ZNF254: variants seen among roughly 807,000 people sequenced by gnomAD.
ZNF254 encodes zinc finger protein 254, also known as CTD-2017D11.1.
ZNF254 carries 10 observed loss-of-function variants against 12.4 expected under a neutral mutation model. The observed-to-expected ratio is 0.80, with a 90% confidence interval of 0.50 to 1.36. The LOEUF is 1.36. ZNF254 is among the 40% of genes most tolerant of loss of function. The probability of loss-of-function intolerance (pLI) is 0.00; values close to 1 mark genes in which losing one functional copy is unlikely to be tolerated. For missense variants in ZNF254, 996 were observed against 763.9 expected, an observed-to-expected ratio of 1.30 and a Z score of -3.58; for synonymous variants, 305 against 253.4, an observed-to-expected ratio of 1.20 and a Z score of -1.93.
upstream of ZNF254, among the ~76,000 whole-genome samples, chr19:24,083,840 A>AT (rs1349014198): frequency 6.6e-6 from 1 of 152,160 alleles, no homozygotes; most frequent in Non-Finnish European, 1.5e-5. Context: ...AAAATAATGC[A>AT]TGTTCGCATG....
intron 1 of ZNF254, among the ~76,000 whole-genome samples, chr19:24,037,502 C>T (rs771045191): frequency 2.6e-5 from 4 of 152,196 alleles, no homozygotes; most frequent in African/African-American, 7.2e-5. Context: ...GGCACAATCT[C>T]GGCTTACTGC....
intron 2 of ZNF254, among the ~76,000 whole-genome samples, chr19:24,046,431 TTCTA>T (rs1970394939): frequency 6.8e-6 from 1 of 146,570 alleles, no homozygotes; most frequent in South Asian, 2.2e-4. Flanking sequence ...CAACAATTGA[TTCTA>T]TCAGATAATC....
chr19:24,126,246 T>G lies in ZNF254; in HGVS notation c.254-8T>G. On this transcript the variant is annotated splice_region_variant and splice_polypyrimidine_tract_variant and intron_variant, in intron 3 of 3. Coordinates refer to ENST00000357002, the MANE Select transcript of ZNF254 (RefSeq NM_203282.4). ...GGAGTAATTTATTTATTTTTATTTTTTTTTCAGGTATGTGTCCTCATTTTG... is the reference window on the plus strand; with the variant it reads ...GGAGTAATTTATTTATTTTTATTTTGTTTTCAGGTATGTGTCCTCATTTTG... 1 of 1,415,828 alleles carries G rather than the reference T, an allele frequency of 7.1e-7. No individual in the cohort carries two copies. The highest frequency in any genetic ancestry group is 1.9e-4 in the Middle Eastern group (1 of 5,298). 87.7% of individuals were successfully genotyped at this position (1,415,828 alleles called of 1,614,324 possible). A position where few individuals can be genotyped will look rare whatever the true frequency, so the allele number is the denominator to read the frequency against.
intron 1 of ZNF254, among the ~76,000 whole-genome samples, chr19:24,093,432 A>G (rs1972508109): frequency 6.6e-6 from 1 of 152,138 alleles, no homozygotes; most frequent in Admixed American, 6.5e-5. Context: ...GTTAAAATAA[A>G]CATTTCAGTC....
At chr19:24,062,442 T>C (rs1599621988) in intron 2 of ZNF254, among the ~76,000 whole-genome samples, 1 of 152,286 alleles carries the variant, frequency 6.6e-6, no homozygotes, top group South Asian at 2.1e-4. Context: ...GTGAGGACTC[T>C]CCTCTCTGGA....
chr19:24,060,148 T>G (rs901270287), intron 2 of ZNF254, among the ~76,000 whole-genome samples: 2 of 152,254 alleles, frequency 1.3e-5, no homozygotes, highest in African/African-American at 4.8e-5. Context: ...TGAAGCTGGT[T>G]TCAATACCCA....
At chr19:24,079,692 A>G (rs1568442595) in intron 2 of ZNF254, 2 of 152,316 alleles carry the variant, frequency 1.3e-5, no homozygotes, top group African/African-American at 4.8e-5. Context: ...AAGAAAAACA[A>G]TGCATTTTGG....
rs571497447 is a variant in ZNF254 at position 24,036,845 on chromosome 19, A to G, written c.-190+3224A>G. 2.4e-4 allele frequency among the ~76,000 whole-genome samples: 37 copies of G among 152,342 alleles called. 1 individual carries two copies. In the South Asian group the frequency reaches 7.7e-3, roughly 32 times the overall value. The stretch of plus-strand genomic sequence containing the variant: ...CTGCTACCACCAATGATTTCCGCCT[A>G]CTAATGAACATACCCACTAGGAATG... On this transcript the variant is annotated intron_variant, in intron 1 of 4. Coordinates refer to the ZNF254 transcript ENST00000613065.
intron 3 of ZNF254, among the ~76,000 whole-genome samples, chr19:24,113,604 A>C (rs1313005068): frequency 1.3e-5 from 2 of 152,196 alleles, no homozygotes; most frequent in Non-Finnish European, 2.9e-5. Context: ...AACTGGAAGC[A>C]TTCCCTTTGA....
At chr19:24,042,279 G>A (rs748332403) in intron 1 of ZNF254, among the ~76,000 whole-genome samples, 4 of 152,090 alleles carry the variant, frequency 2.6e-5, no homozygotes, top group Non-Finnish European at 1.5e-5. Flanking sequence ...GATTGTAAAC[G>A]CACCAATCAG....
chr19:24,077,527 T>C (rs1211376146), intron 2 of ZNF254, among the ~76,000 whole-genome samples: 2 of 152,198 alleles, frequency 1.3e-5, no homozygotes, highest in African/African-American at 4.8e-5. Flanking sequence ...GATGGACAGG[T>C]GTGTACCTGA....
At chr19:24,058,384 G>A (rs1225684508) in intron 2 of ZNF254, among the ~76,000 whole-genome samples, 1 of 150,256 alleles carries the variant, frequency 6.7e-6, no homozygotes, top group Admixed American at 6.7e-5. Flanking sequence ...CAGGTGATGG[G>A]AGTTTTCTTT....
At chr19:24,077,539 A>C (rs1048139398) in intron 2 of ZNF254, among the ~76,000 whole-genome samples, 2 of 152,226 alleles carry the variant, frequency 1.3e-5, no homozygotes, top group African/African-American at 4.8e-5. Flanking sequence ...TGTACCTGAG[A>C]ATGCAGCACT....
At chr19:24,080,258 G>A (rs1971801013) in intron 2 of ZNF254, 3 of 152,240 alleles carry the variant, frequency 2.0e-5, no homozygotes, top group Admixed American at 2.0e-4. Context: ...TGGGTCTTGG[G>A]TTGAACAAGG....
At chr19:24,043,358 T>C (rs1253450873) in intron 1 of ZNF254, among the ~76,000 whole-genome samples, 3 of 151,912 alleles carry the variant, frequency 2.0e-5, no homozygotes, top group African/African-American at 7.3e-5. Context: ...ACCTCCTGGG[T>C]TCAAGCAATT....
intron 2 of ZNF254, among the ~76,000 whole-genome samples, chr19:24,074,298 ACTCTT>A (rs774674656): frequency 6.6e-6 from 1 of 151,892 alleles, no homozygotes; most frequent in African/African-American, 2.4e-5. Context: ...AGCTGAAGTG[ACTCTT>A]CTCTTCTAAG....
intron 1 of ZNF254, among the ~76,000 whole-genome samples, chr19:24,043,579 G>T (rs1006304673): frequency 1.3e-5 from 2 of 152,058 alleles, no homozygotes; most frequent in African/African-American, 4.8e-5. Context: ...AAAATTTTAA[G>T]AAACACCCGA....
chr19:24,054,824 G>C (rs1478826498), intron 2 of ZNF254, among the ~76,000 whole-genome samples: 1 of 152,148 alleles, frequency 6.6e-6, no homozygotes, highest in African/African-American at 2.4e-5. Context: ...CCTGGGCTTA[G>C]GGCCACAAGT....
chr19:24,107,068 AT>A, intron 3 of ZNF254: 1 of 443,454 alleles, frequency 2.3e-6, no homozygotes, highest in South Asian at 5.7e-5. Flanking sequence ...TTTTTGGTTT[AT>A]TTTTCTGCAC....
Sources: gnomAD v4.1 joint callset for allele counts (sites outside exome capture counted in the v4.1 genomes callset) on GRCh38, gnomAD v4.1.1 for gene constraint, MANE v1.5 for transcripts, NCBI Gene and HGNC (gene_info 2026-07-23, HGNC 2026-07-21) for gene names.